RPH3A: variants seen among roughly 807,000 people sequenced by gnomAD.
RPH3A encodes the protein rabphilin 3A, also known as rabphilin-3A.
In RPH3A, 48 loss-of-function variants were observed where a neutral mutation model predicts 102.2. The ratio of observed to expected loss-of-function variants is 0.47; its 90% CI spans 0.37 to 0.60. The LOEUF (loss-of-function observed/expected upper bound fraction) is 0.60. Among genes scored for constraint, RPH3A ranks in the 20% least tolerant of loss-of-function variants. The pLI is 0.00. For missense variants in RPH3A, 781 were observed against 910.1 expected (o/e 0.86, Z 1.83); for synonymous variants, 310 against 324.3 (o/e 0.96, Z 0.47).
At chr12:112,876,611 CT>C in intron 12 of RPH3A, 30 bp from the exon 13 acceptor site, 1 of 1,477,816 alleles carries the variant, frequency 6.8e-7, no homozygotes. Flanking sequence ...AGGGATGCAG[CT>C]GCATGTTTCC....
intron 5 of RPH3A, among the ~76,000 whole-genome samples, chr12:112,850,600 C>A (rs2042306817): frequency 6.6e-6 from 1 of 152,246 alleles, no homozygotes; most frequent in Non-Finnish European, 1.5e-5. Flanking sequence ...GCCCTTCCTG[C>A]AGCCAGCCCT....
chr12:112,683,630 C>G (rs561404032), intron 1 of RPH3A, among the ~76,000 whole-genome samples: 13 of 152,234 alleles, frequency 8.5e-5, no homozygotes, highest in Admixed American at 2.6e-4. Flanking sequence ...CTTGGGTACC[C>G]TCTGAGTGAC....
intron 19 of RPH3A, among the ~76,000 whole-genome samples, chr12:112,891,825 C>A (rs1422893575): frequency 6.6e-6 from 1 of 152,242 alleles, no homozygotes; most frequent in Non-Finnish European, 1.5e-5. Context: ...AGCACTGCAT[C>A]CAGGGCCTTG....
chr12:112,733,592 C>A (rs1035994322), intron 1 of RPH3A, among the ~76,000 whole-genome samples: 1 of 152,110 alleles, frequency 6.6e-6, no homozygotes, highest in African/African-American at 2.4e-5. Flanking sequence ...GCCTTAGTAC[C>A]CCTGCCATGC....
At position 112,891,017 on chromosome 12, in the gene RPH3A, T is replaced by C. The variant is rs201142205; in HGVS notation, c.1775+14T>C. On this transcript the variant is annotated intron_variant, in intron 19 of 21. Transcript: ENST00000389385. ...ATTCGTCAAGCTGTAAGTCAATGCC[T>C]TGGGGCTACAGGTGGGCCCTGAAGG... The C allele has an allele frequency of 1.9e-6, 3 of 1,613,950 alleles. No individual in the cohort carries two copies. Among genetic ancestry groups the C allele is most frequent in the Non-Finnish European group, 8.5e-7 (1 of 1,179,892 alleles).
intron 10 of RPH3A, 130 bp downstream of exon 10, chr12:112,870,169 C>A: frequency 1.1e-6 from 1 of 888,934 alleles, no homozygotes; most frequent in Non-Finnish European, 1.6e-6. Flanking sequence ...GTGTTCTATT[C>A]CAGATACTGG....
chr12:112,834,503 T>A (rs921264004), intron 3 of RPH3A, among the ~76,000 whole-genome samples: 5 of 152,254 alleles, frequency 3.3e-5, no homozygotes, highest in Non-Finnish European at 7.3e-5. Context: ...CCGGTTTAAC[T>A]TTTAAGAAAC....
chr12:112,719,894 T>C (rs2040539908), intron 1 of RPH3A, among the ~76,000 whole-genome samples: 1 of 152,262 alleles, frequency 6.6e-6, no homozygotes, highest in Admixed American at 6.5e-5. Context: ...TTTTTCTATC[T>C]TTATTCATTA....
intron 2 of RPH3A, among the ~76,000 whole-genome samples, chr12:112,827,995 T>A (rs2041908850): frequency 6.6e-6 from 1 of 152,160 alleles, no homozygotes; most frequent in African/African-American, 2.4e-5. Context: ...TTAAGAACTC[T>A]GGCCCACACA....
intron 1 of RPH3A, among the ~76,000 whole-genome samples, chr12:112,737,091 G>T (rs2040674633): frequency 6.8e-6 from 1 of 147,936 alleles, no homozygotes; most frequent in Non-Finnish European, 1.5e-5. Context: ...GGAGGTGGAG[G>T]TTGCAGTGAG....
intron 1 of RPH3A, among the ~76,000 whole-genome samples, chr12:112,762,024 G>A (rs897843332): frequency 1.1e-4 from 17 of 152,298 alleles, no homozygotes; most frequent in Admixed American, 2.0e-4. Flanking sequence ...AAATAGGGGC[G>A]ATGATAATAG....
chr12:112,879,305 T>G, intron 14 of RPH3A, 107 bp downstream of exon 14: 1 of 945,138 alleles, frequency 1.1e-6, no homozygotes, highest in South Asian at 1.6e-5. Flanking sequence ...TGCTTGTCTA[T>G]CGATGATAGT....
At chr12:112,819,855 T>TA (rs1043546301) in intron 2 of RPH3A, among the ~76,000 whole-genome samples, 7 of 152,332 alleles carry the variant, frequency 4.6e-5, no homozygotes, top group East Asian at 1.9e-4. Context: ...GCAGGGTTGC[T>TA]AAAAAAATAG....
chr12:112,891,509 G>A (rs1315203892), intron 19 of RPH3A, among the ~76,000 whole-genome samples: 2 of 152,188 alleles, frequency 1.3e-5, no homozygotes, highest in Non-Finnish European at 2.9e-5. Flanking sequence ...TGCCAAAATA[G>A]GATTAAGCAG....
chr12:112,895,616 G>A, intron 20 of RPH3A, 161 bp from the exon 21 acceptor site: 1 of 573,926 alleles, frequency 1.7e-6, no homozygotes, highest in African/African-American at 1.9e-5. Context: ...GGGGATCACG[G>A]GACCTGGGGC....
chr12:112,700,326 C>T (rs529560757), intron 1 of RPH3A, among the ~76,000 whole-genome samples: 1 of 152,222 alleles, frequency 6.6e-6, no homozygotes, highest in South Asian at 2.1e-4. Flanking sequence ...ACCTCTGCTT[C>T]CCCAAGTGAA....
intron 1 of RPH3A, among the ~76,000 whole-genome samples, chr12:112,671,343 C>T (rs1392309362): frequency 1.3e-5 from 2 of 152,184 alleles, no homozygotes; most frequent in African/African-American, 4.8e-5. Flanking sequence ...TACTTGGTTG[C>T]TTTGCCATCC....
intron 2 of RPH3A, among the ~76,000 whole-genome samples, chr12:112,826,257 G>A (rs2041870684): frequency 6.6e-6 from 1 of 152,202 alleles, no homozygotes; most frequent in Admixed American, 6.5e-5. Flanking sequence ...ATGTGCTGGG[G>A]ATGTTGAGGG....
At chr12:112,886,591 ACTGGTCCATGGC>A (rs754389876) in intron 16 of RPH3A, among the ~76,000 whole-genome samples, 3 of 152,160 alleles carry the variant, frequency 2.0e-5, no homozygotes, top group Non-Finnish European at 2.9e-5. Context: ...ACAGACTGGT[ACTGGTCCATGGC>A]CTGAGGGTTG....
Sources: allele counts gnomAD v4.1 joint callset (sites outside exome capture counted in the v4.1 genomes callset), GRCh38; gene constraint gnomAD v4.1.1; transcripts MANE v1.5; gene names NCBI Gene and HGNC (gene_info 2026-07-23, HGNC 2026-07-21).